Variants in SLC35D2 observed in about 807,000 individuals in gnomAD.
SLC35D2 encodes nucleotide sugar transporter SLC35D2.
Under a neutral mutation model 41.8 loss-of-function variants are expected in SLC35D2, and 43 were observed. The observed-to-expected ratio is 1.03, with a 90% confidence interval of 0.81 to 1.33. SLC35D2 has a LOEUF of 1.33. Among genes scored for constraint, SLC35D2 ranks in the 40% most tolerant of loss-of-function variants. The pLI is 0.00. For missense variants in SLC35D2, 380 were observed against 408.4 expected, an observed-to-expected ratio of 0.93 and a Z score of 0.60; for synonymous variants, 150 against 163.9, an observed-to-expected ratio of 0.92 and a Z score of 0.65.
At chr9:96,372,907 GT>G (rs111536756) in intron 1 of SLC35D2, among the ~76,000 whole-genome samples, 3,720 of 133,934 alleles carry the variant, frequency 0.028, 64 homozygotes, top group Middle Eastern at 0.063. Context: ...TTGTTTTTTT[GT>G]TTTTTTTTTT....
chr9:96,356,072 G>A (rs747094198), intron 4 of SLC35D2, among the ~76,000 whole-genome samples: 1 of 152,202 alleles, frequency 6.6e-6, no homozygotes, highest in Non-Finnish European at 1.5e-5. Context: ...CTGGGGCAGG[G>A]GGAGTGAGTT....
chr9:96,346,239 G>C (rs766691463), intron 6 of SLC35D2, among the ~76,000 whole-genome samples: 7 of 152,182 alleles, frequency 4.6e-5, no homozygotes, highest in Non-Finnish European at 8.8e-5. Flanking sequence ...GTTCCCTGAA[G>C]TTCACAGAAA....
At chr9:96,316,921 G>C (rs1828066100), downstream of SLC35D2, among the ~76,000 whole-genome samples, 1 of 152,172 alleles carries the variant, frequency 6.6e-6, no homozygotes, top group Admixed American at 6.5e-5. Context: ...GGTGGATCAT[G>C]AGGTCAGGAG....
At chr9:96,358,038 T>C (rs1474022859) in intron 4 of SLC35D2, among the ~76,000 whole-genome samples, 4 of 144,386 alleles carry the variant, frequency 2.8e-5, no homozygotes, top group Non-Finnish European at 1.5e-5. Context: ...CAAAAAATAA[T>C]AATAATATTT....
intron 1 of SLC35D2, among the ~76,000 whole-genome samples, chr9:96,370,560 G>C (rs1393149761): frequency 6.6e-6 from 1 of 152,074 alleles, no homozygotes; most frequent in Non-Finnish European, 1.5e-5. Context: ...GGGAGGCTGA[G>C]GCATGAGAAT....
At position 96,364,564 on chromosome 9, in the gene SLC35D2, G is replaced by T; in HGVS notation, c.193-14C>A. On this transcript the variant is annotated splice_polypyrimidine_tract_variant and intron_variant, in intron 2 of 11. Coordinates refer to ENST00000253270, the MANE Select transcript of SLC35D2 (RefSeq NM_007001.3). ...GGTGGCTGCCATCTGAAGAAAAGGG[G>T]AGAGAGAAACTTCAGCAAAATATCT... 1 of 1,532,866 alleles carries T rather than the reference G, an allele frequency of 6.5e-7. No individual in the cohort carries two copies. The allele number at this position is 1,532,866 out of a possible 1,614,324, so 95.0% of individuals were successfully genotyped here. A position where few individuals can be genotyped will look rare whatever the true frequency, so the allele number is the denominator to read the frequency against.
rs1828255487 is a variant in SLC35D2 at position 96,321,999 on chromosome 9, A to G, written c.913T>C (p.Cys305Arg). 2 of 1,572,246 alleles carry G rather than the reference A, an allele frequency of 1.3e-6. No homozygotes were observed. The highest frequency in any genetic ancestry group is 1.7e-6 in the Non-Finnish European group (2 of 1,144,782). Residue 305 changes from cysteine (C) to arginine (R), a missense_variant and splice_region_variant, in exon 11 of 12, where the codon TGC becomes CGC. Physicochemically the swap from Cys to Arg is radical, Grantham distance 180 (BLOSUM62 -3). Transcript: ENST00000253270. ...AGTCCATTAAAAATTCCCACTCACC[A>G]AATATTTAACCCTACAAAGTTTAAC... ...SLLNFVGLNI[C>R]MAGGLRYSFL...
intron 7 of SLC35D2, among the ~76,000 whole-genome samples, chr9:96,344,562 C>CAAA (rs1587677525): frequency 2.9e-5 from 1 of 34,232 alleles, no homozygotes; most frequent in African/African-American, 2.0e-4. Context: ...AAAAACAGAG[C>CAAA]AGATAAAAAA....
In SLC35D2 at chr9:96,331,768, A is replaced by T. The variant is rs371740238; in HGVS notation, c.752+4949T>A. On this transcript the variant is annotated intron_variant, in intron 9 of 11. Coordinates refer to ENST00000253270, the MANE Select transcript of SLC35D2 (RefSeq NM_007001.3). ...CTGTTAGGAACCCAGGTGCACAGCA[A>T]AAGGTGAGCAAGCATGTCCGCCTGA... is the stretch of plus-strand genomic sequence containing the variant. Among the ~76,000 whole-genome samples the T allele has an allele frequency of 2.6e-5, 4 of 152,290 alleles. No homozygotes were observed. The South Asian group carries it at 8.3e-4, about 32-fold the overall frequency.
chr9:96,359,814 C>G (rs1294180855), intron 4 of SLC35D2, among the ~76,000 whole-genome samples: 1 of 152,158 alleles, frequency 6.6e-6, no homozygotes, highest in African/African-American at 2.4e-5. Flanking sequence ...AGGAGATGTT[C>G]CTGCTCTTAT....
In SLC35D2 at chr9:96,338,716, A is replaced by C. The variant is rs1037326532; in HGVS notation, c.685-1932T>G. 5.9e-5 allele frequency among the ~76,000 whole-genome samples: 9 copies of C among 152,316 alleles called. No individual in the cohort carries two copies. The East Asian group carries it at 1.7e-3, about 29-fold the overall frequency. On this transcript the variant is annotated intron_variant, in intron 8 of 11. Coordinates refer to ENST00000253270, the MANE Select transcript of SLC35D2 (RefSeq NM_007001.3). The stretch of plus-strand genomic sequence containing the variant: ...TTGTTAAATGTTCACTTATGAAAGA[A>C]AAATATAATAAATATAAATCTGTCT...
chr9:96,376,939 C>G (rs1012279112), intron 1 of SLC35D2, among the ~76,000 whole-genome samples: 1 of 150,974 alleles, frequency 6.6e-6, no homozygotes, highest in Non-Finnish European at 1.5e-5. Flanking sequence ...AGTAAACCAG[C>G]CAGCCAGATG....
chr9:96,374,796 C>T (rs1243198544), intron 1 of SLC35D2, among the ~76,000 whole-genome samples: 2 of 150,946 alleles, frequency 1.3e-5, no homozygotes, highest in South Asian at 4.2e-4. Flanking sequence ...CAAGATCACG[C>T]CACTGCACTC....
intron 9 of SLC35D2, among the ~76,000 whole-genome samples, chr9:96,330,672 A>C (rs1173624375): frequency 1.3e-5 from 2 of 152,126 alleles, no homozygotes; most frequent in African/African-American, 4.8e-5. Flanking sequence ...AGTGTTGTGA[A>C]AGGAAAATTA....
chr9:96,344,480 C>A (rs2130909979), intron 7 of SLC35D2, among the ~76,000 whole-genome samples: 1 of 56,884 alleles, frequency 1.8e-5, no homozygotes, highest in Admixed American at 2.5e-4. Flanking sequence ...CAAAAGACAA[C>A]AAACCTGTTT....
At chr9:96,335,404 G>A (rs1045225626) in intron 9 of SLC35D2, among the ~76,000 whole-genome samples, 7 of 152,238 alleles carry the variant, frequency 4.6e-5, no homozygotes, top group African/African-American at 1.7e-4. Flanking sequence ...CTGTCACCCA[G>A]GCTGGAGTGC....
intron 8 of SLC35D2, among the ~76,000 whole-genome samples, chr9:96,340,619 C>CAA (rs57501812): frequency 0.01 from 360 of 35,382 alleles, 40 homozygotes; most frequent in South Asian, 0.054. Context: ...GACTCCATCT[C>CAA]AAAAAAAAAA....
chr9:96,348,278 C>T (rs1203590673), intron 6 of SLC35D2, among the ~76,000 whole-genome samples: 2 of 152,202 alleles, frequency 1.3e-5, no homozygotes, highest in South Asian at 2.1e-4. Context: ...GAAGGTGACA[C>T]GTCACTTCTG....
intron 1 of SLC35D2, among the ~76,000 whole-genome samples, chr9:96,370,714 C>T (rs2131011300): frequency 6.6e-6 from 1 of 152,076 alleles, no homozygotes; most frequent in Non-Finnish European, 1.5e-5. Flanking sequence ...AAAAGGCTCA[C>T]AGAAGATAAG....
Sources: gnomAD v4.1 joint callset for allele counts (sites outside exome capture counted in the v4.1 genomes callset) on GRCh38, gnomAD v4.1.1 for gene constraint, MANE v1.5 for transcripts, NCBI Gene and HGNC (gene_info 2026-07-23, HGNC 2026-07-21) for gene names.